POMZP3: variants seen among roughly 807,000 people sequenced by gnomAD.
POMZP3 encodes POM121 and ZP3 fusion, also known as POM121 and ZP3 fusion protein.
POMZP3 carries 10 observed loss-of-function variants against 19.8 expected under a neutral mutation model. That is an observed-to-expected ratio of 0.51 (90% CI 0.31 to 0.86). The LOEUF (loss-of-function observed/expected upper bound fraction) is 0.86. Ranked by LOEUF, POMZP3 falls within the 40% of genes least tolerant of loss-of-function variation. The pLI is 0.04. For synonymous variants in POMZP3, 57 were observed against 85.8 expected (o/e 0.66, Z 1.85); for missense variants, 152 against 228.1 (o/e 0.67, Z 2.15).
rs2116839586 is a variant in POMZP3 at position 76,610,055 on chromosome 7, C to T, written c.*172G>A. The T allele has an allele frequency of 8.7e-7, 1 of 1,144,856 alleles. No individual in the cohort carries two copies. The highest frequency in any genetic ancestry group is 2.0e-5 in the Admixed American group (1 of 50,448). 70.9% of individuals were successfully genotyped at this position (1,144,856 alleles called of 1,614,324 possible). On this transcript the variant is annotated 3_prime_UTR_variant, in exon 7 of 7. Transcript: ENST00000310842. ...CAGTGCGACACCTCCTGGTGAGAAC[C>T]AGGATAACAGCAGTCAGAGTCAGGG...
intron 4 of POMZP3, among the ~76,000 whole-genome samples, 164 bp downstream of exon 4, chr7:76,618,016 CCTT>C (rs1815345567): frequency 7.7e-6 from 1 of 129,456 alleles, no homozygotes; most frequent in Non-Finnish European, 1.6e-5. Context: ...TATTGTTCAT[CCTT>C]CTGCTTGAAG....
chr7:76,625,493 C>G (rs2527935), intron 3 of POMZP3, 29 bp downstream of exon 3: 1 of 1,583,142 alleles, frequency 6.3e-7, no homozygotes, highest in Admixed American at 1.7e-5. Context: ...AAGCGGGAAA[C>G]TGGCTTAGTA....
intron 3 of POMZP3, among the ~76,000 whole-genome samples, chr7:76,622,041 GGTC>G (rs899641444): frequency 1.4e-5 from 2 of 143,216 alleles, no homozygotes; most frequent in Admixed American, 1.4e-4. Context: ...AGTGACCTCT[GGTC>G]GTCCTCACTG....
Position 76,627,234 on chromosome 7 carries a change from C to T in POMZP3, c.-678G>A, listed in dbSNP as rs374074359. ...CGCCGCCGCTCGCCTGCTCCAGCCG[C>T]CGCAGCCGCCGGAGACATCGCGGCT... is the stretch of plus-strand genomic sequence containing the variant. On this transcript the variant is annotated 5_prime_UTR_variant, in exon 1 of 7. Transcript: ENST00000310842. The T allele has an allele frequency of 0.011, 15,139 of 1,405,376 alleles. 2,875 individuals are homozygous for T. The East Asian group carries it at 0.17, about 16-fold the overall frequency. 87.1% of individuals were successfully genotyped at this position (1,405,376 alleles called of 1,614,324 possible).
rs1484791161 is a variant in POMZP3 at position 76,626,889 on chromosome 7, C to T, written c.-333G>A. 7.2e-7 allele frequency: 1 copy of T among 1,388,630 alleles called. No individual in the cohort carries two copies. Among genetic ancestry groups the T allele is most frequent in the South Asian group, 1.6e-5 (1 of 62,698 alleles). 86.0% of individuals were successfully genotyped at this position (1,388,630 alleles called of 1,614,324 possible). A position where few individuals can be genotyped will look rare whatever the true frequency, so the allele number is the denominator to read the frequency against. ...CGGGGGCGGGCTGCGGCGGCCCGGG[C>T]TTGCCCAGGTAACTGCCCATGAGGA... is the stretch of plus-strand genomic sequence containing the variant. On this transcript the variant is annotated 5_prime_UTR_variant, in exon 1 of 7. Transcript: ENST00000310842.
intron 6 of POMZP3, 59 bp from the exon 7 acceptor site, chr7:76,610,274 G>T: frequency 6.2e-7 from 1 of 1,611,428 alleles, no homozygotes; most frequent in Non-Finnish European, 8.5e-7. Flanking sequence ...GAACTGGGTT[G>T]GAGGTTTTAT....
intron 3 of POMZP3, among the ~76,000 whole-genome samples, chr7:76,622,649 C>A (rs566844941): frequency 1.3e-5 from 2 of 151,776 alleles, no homozygotes; most frequent in East Asian, 1.9e-4. Context: ...CAGGCGTGAG[C>A]CACTGCGTCT....
chr7:76,625,002 G>A (rs752488669), intron 3 of POMZP3, among the ~76,000 whole-genome samples: 37 of 151,406 alleles, frequency 2.4e-4, no homozygotes, highest in South Asian at 8.4e-4. Context: ...GCATGGTGGC[G>A]GGCGCCTGTA....
At chr7:76,624,102 G>A (rs1815722745) in intron 3 of POMZP3, among the ~76,000 whole-genome samples, 1 of 106,056 alleles carries the variant, frequency 9.4e-6, no homozygotes, top group Non-Finnish European at 2.0e-5. Context: ...AAGAGGAAAG[G>A]AAAGTAAATT....
chr7:76,620,795 G>C (rs1051137145), intron 3 of POMZP3, among the ~76,000 whole-genome samples: 36 of 150,766 alleles, frequency 2.4e-4, no homozygotes, highest in Non-Finnish European at 2.7e-4. Context: ...CATGTTCCAA[G>C]GGGCTGGGAC....
chr7:76,614,858 CAAAA>C lies in POMZP3; in HGVS notation c.346-3049_346-3046del, dbSNP rs59620004. 7.5e-4 allele frequency among the ~76,000 whole-genome samples: 24 copies of C among 32,016 alleles called. 1 individual carries two copies. The East Asian group carries it at 0.011, about 14-fold the overall frequency. 21.0% of individuals were successfully genotyped at this position (32,016 alleles called of 152,430 possible). On this transcript the variant is annotated intron_variant, in intron 4 of 6. Coordinates refer to ENST00000310842, the MANE Select transcript of POMZP3 (RefSeq NM_012230.5). Reference sequence around the variant, plus strand: ...CTGGGTGACAGAGCGAGACTCTGTCCAAAAAAAAAAAAAAAAAAAGTACACAGGG... The same window carrying C: ...CTGGGTGACAGAGCGAGACTCTGTCCAAAAAAAAAAAAAAAGTACACAGGG...
intron 3 of POMZP3, among the ~76,000 whole-genome samples, chr7:76,619,558 TTGTC>T (rs1815436175): frequency 1.3e-5 from 2 of 149,764 alleles, no homozygotes; most frequent in East Asian, 3.9e-4. Context: ...CAGGGGTTCT[TTGTC>T]TGAAATTTTC....
chr7:76,613,507 C>CTTT lies in POMZP3; in HGVS notation c.346-1697_346-1695dup, dbSNP rs1193493149. On this transcript the variant is annotated intron_variant, in intron 4 of 6. Coordinates refer to ENST00000310842, the MANE Select transcript of POMZP3 (RefSeq NM_012230.5). ...ACCCTGTAAGCACTGCCCCCCTACC[C>CTTT]TTTTTTTTTTTTTTTTTTCTGAGAC... Among the ~76,000 whole-genome samples, 20 of 67,410 alleles carry CTTT rather than the reference C, an allele frequency of 3.0e-4. 3 individuals carry two copies. The highest frequency in any genetic ancestry group is 1.0e-3 in the East Asian group (3 of 2,916). 44.2% of individuals were successfully genotyped at this position (67,410 alleles called of 152,430 possible).
intron 3 of POMZP3, chr7:76,621,492 G>A (rs1369914551): frequency 2.0e-5 from 3 of 151,128 alleles, no homozygotes; most frequent in African/African-American, 7.3e-5. Flanking sequence ...TCAGAGGCGG[G>A]TGAACCAGAG....
chr7:76,627,266 C>T lies in POMZP3; in HGVS notation c.-710G>A, dbSNP rs987891219. 6.6e-6 allele frequency: 9 copies of T among 1,354,338 alleles called. No homozygotes were observed. In the East Asian group the frequency reaches 1.2e-4, roughly 18 times the overall value. 83.9% of individuals were successfully genotyped at this position (1,354,338 alleles called of 1,614,324 possible). A position where few individuals can be genotyped will look rare whatever the true frequency, so the allele number is the denominator to read the frequency against. On this transcript the variant is annotated 5_prime_UTR_variant, in exon 1 of 7. Coordinates refer to ENST00000310842, the MANE Select transcript of POMZP3 (RefSeq NM_012230.5). ...CGCCGGAGACATCGCGGCTCCGCGC[C>T]GCGGAGGAGACTTAAATATCCCAGC... is the stretch of plus-strand genomic sequence containing the variant.
intron 3 of POMZP3, among the ~76,000 whole-genome samples, chr7:76,620,184 C>T (rs1815473803): frequency 3.5e-5 from 3 of 86,404 alleles, no homozygotes; most frequent in African/African-American, 1.6e-4. Flanking sequence ...TAAAATTAGC[C>T]GGGCATGGTG....
intron 3 of POMZP3, among the ~76,000 whole-genome samples, chr7:76,619,536 A>C (rs954246674): frequency 3.3e-5 from 5 of 150,796 alleles, no homozygotes; most frequent in African/African-American, 1.2e-4. Flanking sequence ...CAGCGGCAGG[A>C]AATATTCCTG....
At chr7:76,615,107 C>T (rs1008841209) in intron 4 of POMZP3, among the ~76,000 whole-genome samples, 1 of 115,926 alleles carries the variant, frequency 8.6e-6, no homozygotes, top group African/African-American at 3.5e-5. Flanking sequence ...GGGAGCCCTC[C>T]AAGGGCTCAG....
intron 1 of POMZP3, chr7:76,626,460 T>G: frequency 1.7e-6 from 1 of 603,400 alleles, no homozygotes; most frequent in Non-Finnish European, 2.9e-6. Context: ...AAATCTAGAC[T>G]AAATCTAGAC....
Sources: gnomAD v4.1 joint callset for allele counts (sites outside exome capture counted in the v4.1 genomes callset) on GRCh38, gnomAD v4.1.1 for gene constraint, MANE v1.5 for transcripts, NCBI Gene and HGNC (gene_info 2026-07-23, HGNC 2026-07-21) for gene names.